PCCA: variants seen among roughly 807,000 people sequenced by gnomAD.
PCCA encodes propionyl-CoA carboxylase alpha chain, mitochondrial.
Under a neutral mutation model 101.3 loss-of-function variants are expected in PCCA, and 74 were observed. The observed-to-expected ratio is 0.73, with a 90% CI of 0.61 to 0.89. The LOEUF is 0.89. Ranked by LOEUF, PCCA falls within the 40% of genes least tolerant of loss-of-function variation. The probability of loss-of-function intolerance (pLI) is 0.00; values close to 1 mark genes in which losing one functional copy is unlikely to be tolerated. For missense variants in PCCA, 891 were observed against 907.0 expected (o/e 0.98, Z 0.23); for synonymous variants, 294 against 313.6 (o/e 0.94, Z 0.66).
At chr13:100,239,306 G>A (rs2060984318) in intron 8 of PCCA, among the ~76,000 whole-genome samples, 1 of 151,992 alleles carries the variant, frequency 6.6e-6, no homozygotes, top group African/African-American at 2.4e-5. Flanking sequence ...AGGTTTATTT[G>A]ACTCCAAAGA....
rs746286209 is a variant in PCCA, at chr13:100,157,285, A to C, written c.415-2A>C. ...AAAGTGCTTTTTGCTTTCATTTCTA[A>C]GGTACATCCAGGTTATGGATTCCTT... On this transcript the variant is annotated splice_acceptor_variant, in intron 5 of 23. Coordinates refer to ENST00000376285, the MANE Select transcript of PCCA (RefSeq NM_000282.4). LOFTEE classifies it high-confidence loss of function. The C allele has an allele frequency of 6.2e-6, 10 of 1,607,020 alleles. No homozygotes were observed. Among genetic ancestry groups the C allele is most frequent in the African/African-American group, 1.3e-5 (1 of 74,902 alleles).
chr13:100,326,854 A>T (rs2068747672), intron 16 of PCCA, among the ~76,000 whole-genome samples: 1 of 152,124 alleles, frequency 6.6e-6, no homozygotes, highest in South Asian at 2.1e-4. Flanking sequence ...AAAACTTGTA[A>T]TTGACTATGT....
chr13:100,224,600 ACTT>A (rs1214945083), intron 7 of PCCA, among the ~76,000 whole-genome samples: 10 of 152,212 alleles, frequency 6.6e-5, no homozygotes, highest in Admixed American at 3.9e-4. Flanking sequence ...GTCACCTCTC[ACTT>A]CTTCAGGAGG....
chr13:100,519,377 A>T (rs74996377), intron 22 of PCCA, among the ~76,000 whole-genome samples: 2,634 of 152,376 alleles, frequency 0.017, 72 homozygotes, highest in African/African-American at 0.059. Context: ...AGATGAAAAG[A>T]TCCACCTCGT....
intron 7 of PCCA, among the ~76,000 whole-genome samples, chr13:100,211,723 C>CTTTCCTT (rs2059224645): frequency 6.6e-6 from 1 of 152,030 alleles, no homozygotes; most frequent in South Asian, 2.1e-4. Flanking sequence ...CAATTGCCAC[C>CTTTCCTT]TTTTCTTTTT....
intron 23 of PCCA, among the ~76,000 whole-genome samples, chr13:100,528,558 G>T (rs2088062624): frequency 6.6e-6 from 1 of 152,206 alleles, no homozygotes; most frequent in Non-Finnish European, 1.5e-5. Flanking sequence ...TGTCACTGCA[G>T]AAGGCAATGA....
intron 7 of PCCA, among the ~76,000 whole-genome samples, chr13:100,230,270 G>A (rs190662335): frequency 5.2e-4 from 79 of 152,198 alleles, no homozygotes; most frequent in African/African-American, 1.8e-3. Flanking sequence ...CAGGCTGGGC[G>A]CGGTGGCTCA....
chr13:100,454,316 T>C (rs2081561255), intron 21 of PCCA, among the ~76,000 whole-genome samples: 1 of 152,232 alleles, frequency 6.6e-6, no homozygotes, highest in Non-Finnish European at 1.5e-5. Context: ...TCAGGTACAA[T>C]TTCTAGAGTA....
At chr13:100,406,445 CTGTAA>C (rs1237403727) in intron 19 of PCCA, among the ~76,000 whole-genome samples, 1 of 152,206 alleles carries the variant, frequency 6.6e-6, no homozygotes, top group Non-Finnish European at 1.5e-5. Flanking sequence ...CCGCTCACGC[CTGTAA>C]TCCCAGCACT....
At position 100,178,375 on chromosome 13, in the gene PCCA, A is replaced by G. The variant is rs150182328; in HGVS notation, c.468+21035A>G. ...AAATTTAGGTCTTTTTAGGTAAACT[A>G]TACAAAACACTTTTATAGTCATTTT... On this transcript the variant is annotated intron_variant, in intron 6 of 23. Coordinates refer to ENST00000376285, the MANE Select transcript of PCCA (RefSeq NM_000282.4). Among the ~76,000 whole-genome samples, 382 of 152,374 alleles carry G rather than the reference A, an allele frequency of 2.5e-3. 2 individuals carry two copies. The highest frequency in any genetic ancestry group is 8.9e-3 in the African/African-American group (371 of 41,586).
intron 4 of PCCA, among the ~76,000 whole-genome samples, chr13:100,147,306 G>A (rs1307490719): frequency 6.6e-6 from 1 of 152,124 alleles, no homozygotes; most frequent in East Asian, 1.9e-4. Context: ...CATTACTTGG[G>A]TAATTACAAT....
chr13:100,408,024 C>T (rs192466861), intron 19 of PCCA, among the ~76,000 whole-genome samples: 12 of 152,152 alleles, frequency 7.9e-5, no homozygotes, highest in Non-Finnish European at 1.3e-4. Context: ...TGGTGGCGGG[C>T]GCCTGTTATC....
At position 100,314,015 on chromosome 13, in the gene PCCA, G is replaced by A. The variant is rs1041579540; in HGVS notation, c.1429+4107G>A. Among the ~76,000 whole-genome samples the A allele has an allele frequency of 2.6e-5, 4 of 151,780 alleles. No homozygotes were observed. The East Asian group carries it at 5.8e-4, about 22-fold the overall frequency. On this transcript the variant is annotated intron_variant, in intron 16 of 23. Transcript: ENST00000376285. ...GATTATGTCTCTTTATTATCTTGCC[G>A]TCTTTCATATTTCATTTCATTAATT... is the stretch of plus-strand genomic sequence containing the variant.
chr13:100,115,666 C>T (rs768185205), intron 4 of PCCA, among the ~76,000 whole-genome samples: 10 of 152,190 alleles, frequency 6.6e-5, no homozygotes, highest in Admixed American at 1.3e-4. Flanking sequence ...TGTCATATGG[C>T]GCATGATTGA....
chr13:100,469,224 A>AAAAAAAAAAAAAAAAAAAAAAAAAAAAAC (rs1235528727), intron 21 of PCCA, among the ~76,000 whole-genome samples: 1 of 150,300 alleles, frequency 6.7e-6, no homozygotes, highest in Non-Finnish European at 1.5e-5. Context: ...AAAAAAAAAA[A>AAAAAAAAAAAAAAAAAAAAAAAAAAAAAC]AAAGAATCCC....
chr13:100,210,032 G>A (rs2059113308), intron 7 of PCCA, among the ~76,000 whole-genome samples: 2 of 152,000 alleles, frequency 1.3e-5, no homozygotes, highest in South Asian at 4.2e-4. Flanking sequence ...ATAGCTCACT[G>A]TAACCTTGAA....
In PCCA at chr13:100,416,854, G is replaced by T. The variant is rs564049860; in HGVS notation, c.1747-8779G>T. Among the ~76,000 whole-genome samples, 98 of 150,844 alleles carry T rather than the reference G, an allele frequency of 6.5e-4. 1 individual carries two copies. Among genetic ancestry groups the T allele is most frequent in the Non-Finnish European group, 2.4e-4 (16 of 67,730 alleles). ...TTATGTATATTCTTTTTGTTTGTTT[G>T]TTTTTTGAGATGGAGTTTTGCTCTT... On this transcript the variant is annotated intron_variant, in intron 19 of 23. Coordinates refer to ENST00000376285, the MANE Select transcript of PCCA (RefSeq NM_000282.4).
rs529933611 is a variant in PCCA, at chr13:100,180,148, T to G, written c.468+22808T>G. Among the ~76,000 whole-genome samples, 13 of 152,308 alleles carry G rather than the reference T, an allele frequency of 8.5e-5. No homozygotes were observed. The South Asian group carries it at 2.7e-3, about 32-fold the overall frequency. ...CTTCTGTATCACTTCTGACCTAATGTGATGCACTTCTGTATCACTGTAACA... is the reference window on the plus strand; with the variant it reads ...CTTCTGTATCACTTCTGACCTAATGGGATGCACTTCTGTATCACTGTAACA... On this transcript the variant is annotated intron_variant, in intron 6 of 23. Coordinates refer to ENST00000376285, the MANE Select transcript of PCCA (RefSeq NM_000282.4).
chr13:100,247,660 C>G (rs1450171968), intron 8 of PCCA, among the ~76,000 whole-genome samples: 1 of 151,810 alleles, frequency 6.6e-6, no homozygotes, highest in Non-Finnish European at 1.5e-5. Flanking sequence ...ACTACAGGTG[C>G]CTGCCACCAC....
Sources: gnomAD v4.1 joint callset for allele counts (sites outside exome capture counted in the v4.1 genomes callset) on GRCh38, gnomAD v4.1.1 for gene constraint, MANE v1.5 for transcripts, NCBI Gene and HGNC (gene_info 2026-07-23, HGNC 2026-07-21) for gene names.